The following SCN11A variants were observed in gnomAD, a reference collection of about 807,000 sequenced individuals.
SCN11A encodes the protein sodium channel protein type 11 subunit alpha.
In SCN11A, 122 loss-of-function variants were observed where a neutral mutation model predicts 162.2. The observed-to-expected ratio is 0.75, with a 90% confidence interval of 0.65 to 0.87. The LOEUF is 0.87. Ranked by LOEUF, SCN11A falls within the 40% of genes least tolerant of loss-of-function variation. The probability of loss-of-function intolerance (pLI) is 0.00; values close to 1 mark genes in which losing one functional copy is unlikely to be tolerated. For synonymous variants in SCN11A, 758 were observed against 751.5 expected, an observed-to-expected ratio of 1.01 and a Z score of -0.14; for missense variants, 2,015 against 2,181.6, an observed-to-expected ratio of 0.92 and a Z score of 1.52.
Position 38,847,019 on chromosome 3 carries a change from T to A in SCN11A, c.5051A>T (p.Asp1684Val), listed in dbSNP as rs370826330. ...MVSEDRLHCM[D>V]ILFAFTARVL... Reference sequence around the variant, plus strand: ...CCTAGCGGTGAAGGCGAAAAGAATATCCATGCAGTGGAGGCGATCTTCACT... The same window carrying A: ...CCTAGCGGTGAAGGCGAAAAGAATAACCATGCAGTGGAGGCGATCTTCACT... The change falls in exon 30 of 30, where the codon GAT becomes GTT. Residue 1684 changes from aspartate to valine, a missense_variant. By Grantham distance (152) the Asp-to-Val change is radical. Transcript: ENST00000302328. The A allele has an allele frequency of 2.5e-6, 4 of 1,613,900 alleles. No individual in the cohort carries two copies. The highest frequency in any genetic ancestry group is 3.4e-6 in the Non-Finnish European group (4 of 1,180,016).
intron 1 of SCN11A, among the ~76,000 whole-genome samples, chr3:39,032,926 C>T (rs1020657845): frequency 6.6e-6 from 1 of 152,024 alleles, no homozygotes; most frequent in Non-Finnish European, 1.5e-5. Context: ...CCGAGGTGGG[C>T]AGATCACTTG....
intron 2 of SCN11A, among the ~76,000 whole-genome samples, chr3:38,997,828 A>C (rs756317462): frequency 1.3e-5 from 2 of 152,254 alleles, no homozygotes; most frequent in Non-Finnish European, 2.9e-5. Flanking sequence ...CACCGTCTGC[A>C]GTATCACATA....
chr3:38,951,563 C>T (rs1331709309), intron 4 of SCN11A, among the ~76,000 whole-genome samples: 2 of 152,276 alleles, frequency 1.3e-5, no homozygotes, highest in African/African-American at 2.4e-5. Context: ...TGGCAGGCAG[C>T]TCCACCTGCG....
chr3:38,987,749 G>T (rs1389689976), intron 2 of SCN11A, among the ~76,000 whole-genome samples: 2 of 152,132 alleles, frequency 1.3e-5, no homozygotes, highest in African/African-American at 4.8e-5. Context: ...AGAGCCCGGG[G>T]CTGCTCTCTC....
chr3:38,962,562 G>A (rs1238739397), intron 2 of SCN11A, among the ~76,000 whole-genome samples: 1 of 152,000 alleles, frequency 6.6e-6, no homozygotes, highest in African/African-American at 2.4e-5. Context: ...TCAAAAAGTG[G>A]GCTAAGGGCT....
At chr3:38,919,636 A>G (rs947968823) in intron 11 of SCN11A, among the ~76,000 whole-genome samples, 4 of 152,236 alleles carry the variant, frequency 2.6e-5, no homozygotes, top group Non-Finnish European at 4.4e-5. Context: ...TCTCAGTCAT[A>G]ACATCCCTTC....
At chr3:38,972,471 G>A (rs2066822195) in intron 2 of SCN11A, among the ~76,000 whole-genome samples, 1 of 152,054 alleles carries the variant, frequency 6.6e-6, no homozygotes, top group Non-Finnish European at 1.5e-5. Context: ...ACACCAACCA[G>A]GCCCCAGCTG....
chr3:38,901,213 A>G (rs2065694152), intron 16 of SCN11A, among the ~76,000 whole-genome samples: 1 of 152,230 alleles, frequency 6.6e-6, no homozygotes, highest in African/African-American at 2.4e-5. Context: ...AAATGCCTGA[A>G]ATAAAATGGC....
chr3:38,936,227 A>G (rs1036233951), intron 7 of SCN11A, among the ~76,000 whole-genome samples: 10 of 152,122 alleles, frequency 6.6e-5, no homozygotes, highest in Non-Finnish European at 1.3e-4. Context: ...TCTCAAAATA[A>G]TAAGAGCTAT....
At chr3:38,905,773 G>A (rs1052161330) in intron 14 of SCN11A, among the ~76,000 whole-genome samples, 3 of 152,286 alleles carry the variant, frequency 2.0e-5, no homozygotes, top group East Asian at 1.9e-4. Context: ...GTGAACAACC[G>A]CCTATACGGT....
chr3:38,869,826 G>A lies in SCN11A; in HGVS notation c.3813+865C>T, dbSNP rs1489346479. 4.6e-5 allele frequency among the ~76,000 whole-genome samples: 7 copies of A among 152,074 alleles called. No homozygotes were observed. In the East Asian group the frequency reaches 7.7e-4, roughly 17 times the overall value. On this transcript the variant is annotated intron_variant, in intron 26 of 29. Transcript: ENST00000302328. ...GTGGCGTTTTGGATTTTCAGATCAC[G>A]GATGCTCAACTGTAAGTATTATGCA...
chr3:38,867,969 C>A (rs1169293337), intron 26 of SCN11A, among the ~76,000 whole-genome samples: 1 of 152,100 alleles, frequency 6.6e-6, no homozygotes, highest in Non-Finnish European at 1.5e-5. Context: ...GCCTAGCATA[C>A]CTTCTGATAT....
chr3:38,882,254 C>T (rs760333573), intron 22 of SCN11A, among the ~76,000 whole-genome samples: 61 of 152,132 alleles, frequency 4.0e-4, no homozygotes, highest in Non-Finnish European at 6.2e-4. Context: ...AGAGATCACA[C>T]AAGTGTAAAA....
intron 7 of SCN11A, among the ~76,000 whole-genome samples, chr3:38,934,320 T>C (rs1468168851): frequency 5.3e-5 from 8 of 152,136 alleles, no homozygotes; most frequent in African/African-American, 1.2e-4. Flanking sequence ...CATCAACTAA[T>C]GAGCAAAATA....
intron 1 of SCN11A, among the ~76,000 whole-genome samples, chr3:39,047,681 C>CA (rs149616579): frequency 1.1e-4 from 16 of 151,100 alleles, no homozygotes; most frequent in South Asian, 4.2e-4. Context: ...AACTCAATAG[C>CA]AAAAAAAACC....
In SCN11A at chr3:38,952,290, T is replaced by C. The variant is rs561477552; in HGVS notation, c.-8+1339A>G. On this transcript the variant is annotated intron_variant, in intron 4 of 29. Transcript: ENST00000302328. ...AGGATAATAGCTTCTTTGAGGACTT[T>C]CTCTACAGCCACAGGGTTCAAACTA... is the stretch of plus-strand genomic sequence containing the variant. 1.2e-4 allele frequency among the ~76,000 whole-genome samples: 18 copies of C among 152,308 alleles called. No individual in the cohort carries two copies. In the East Asian group the frequency reaches 3.5e-3, roughly 29 times the overall value.
chr3:38,873,720 G>A (rs1307543858), intron 23 of SCN11A, among the ~76,000 whole-genome samples: 1 of 152,054 alleles, frequency 6.6e-6, no homozygotes, highest in East Asian at 1.9e-4. Context: ...AGACTTGCAG[G>A]TATCAGTGAG....
intron 19 of SCN11A, among the ~76,000 whole-genome samples, chr3:38,893,329 T>G (rs917484685): frequency 2.6e-5 from 4 of 152,136 alleles, no homozygotes; most frequent in African/African-American, 7.2e-5. Flanking sequence ...TTTATAAACA[T>G]ATATACACAC....
At chr3:38,857,496 T>C (rs529514032) in intron 28 of SCN11A, among the ~76,000 whole-genome samples, 32 of 151,692 alleles carry the variant, frequency 2.1e-4, no homozygotes, top group African/African-American at 7.7e-4. Context: ...TCCAAGAAAT[T>C]TGGGATTATG....
Sources: gnomAD v4.1 joint callset for allele counts (sites outside exome capture counted in the v4.1 genomes callset) on GRCh38, gnomAD v4.1.1 for gene constraint, MANE v1.5 for transcripts, NCBI Gene and HGNC (gene_info 2026-07-23, HGNC 2026-07-21) for gene names.